Variants in TRIO observed in about 807,000 individuals in gnomAD.
The protein encoded by TRIO is trio Rho guanine nucleotide exchange factor.
A neutral mutation model predicts 351.9 loss-of-function variants in TRIO; 58 were observed. The observed-to-expected ratio is 0.16, with a 90% CI of 0.13 to 0.21. The LOEUF (loss-of-function observed/expected upper bound fraction) is 0.21. TRIO is among the 10% of genes least tolerant of loss of function. The pLI is 1.00. For synonymous variants in TRIO, 1,758 were observed against 1,595.7 expected (o/e 1.10, Z -2.42); for missense variants, 3,201 against 4,027.8 (o/e 0.79, Z 5.56).
intron 1 of TRIO, among the ~76,000 whole-genome samples, chr5:14,153,171 G>A (rs1787932646): frequency 6.6e-6 from 1 of 152,176 alleles, no homozygotes; most frequent in Non-Finnish European, 1.5e-5. Context: ...CTGCAGAGTG[G>A]ACGATGGAGG....
At chr5:14,288,621 T>A (rs1472150324) in intron 4 of TRIO, among the ~76,000 whole-genome samples, 1 of 151,690 alleles carries the variant, frequency 6.6e-6, no homozygotes, top group African/African-American at 2.4e-5. Flanking sequence ...GAGCCGAGAT[T>A]GTGCCGCTGC....
chr5:14,236,895 A>C (rs1295293344), intron 1 of TRIO, among the ~76,000 whole-genome samples: 1 of 152,148 alleles, frequency 6.6e-6, no homozygotes, highest in Non-Finnish European at 1.5e-5. Context: ...TTTCTGTCTC[A>C]GTGGCTTTGC....
intron 33 of TRIO, among the ~76,000 whole-genome samples, chr5:14,418,619 G>A (rs1749846177): frequency 6.6e-6 from 1 of 152,300 alleles, no homozygotes; most frequent in South Asian, 2.1e-4. Context: ...GCATTGCGGG[G>A]ACAGGGAAGC....
intron 1 of TRIO, among the ~76,000 whole-genome samples, chr5:14,223,896 A>G (rs765766570): frequency 3.7e-4 from 56 of 152,156 alleles, no homozygotes; most frequent in Non-Finnish European, 6.5e-4. Context: ...TCAGTGTTTG[A>G]TATCCCCAAA....
chr5:14,394,904 G>T (rs973096539), intron 28 of TRIO, among the ~76,000 whole-genome samples: 16 of 152,252 alleles, frequency 1.1e-4, no homozygotes, highest in African/African-American at 3.9e-4. Flanking sequence ...AAAATTGACA[G>T]ATTTTGTCTG....
intron 1 of TRIO, among the ~76,000 whole-genome samples, chr5:14,215,747 C>A (rs553605890): frequency 5.7e-4 from 87 of 152,244 alleles, no homozygotes; most frequent in African/African-American, 2.0e-3. Flanking sequence ...TCTCCAATGG[C>A]GTGGGTTAAG....
At chr5:14,340,397 G>A (rs1366397203) in intron 11 of TRIO, among the ~76,000 whole-genome samples, 27 of 131,496 alleles carry the variant, frequency 2.1e-4, no homozygotes, top group South Asian at 2.5e-4. Flanking sequence ...ACTCCGTCTG[G>A]AAAAAAAAAA....
intron 1 of TRIO, among the ~76,000 whole-genome samples, chr5:14,151,666 A>T (rs561601242): frequency 6.6e-6 from 1 of 152,332 alleles, no homozygotes; most frequent in Admixed American, 6.5e-5. Flanking sequence ...TGGCCAAAAC[A>T]GTGTGTGTAT....
chr5:14,444,567 A>C lies in TRIO; in HGVS notation c.5204-16452A>C, dbSNP rs1462419171. On this transcript the variant is annotated intron_variant, in intron 34 of 56. Coordinates refer to ENST00000344204, the MANE Select transcript of TRIO (RefSeq NM_007118.4). Reference sequence around the variant, plus strand: ...GTTCTTGATAATCTCGCTGAGCTGCAGTTTCCTCATGTGTTTAAAACAAAC... The same window carrying C: ...GTTCTTGATAATCTCGCTGAGCTGCCGTTTCCTCATGTGTTTAAAACAAAC... Among the ~76,000 whole-genome samples, 5 of 152,200 alleles carry C rather than the reference A, an allele frequency of 3.3e-5. No homozygotes were observed. In the East Asian group the frequency reaches 9.6e-4, roughly 29 times the overall value.
chr5:14,190,619 G>A (rs1659046222), intron 1 of TRIO, among the ~76,000 whole-genome samples: 1 of 152,118 alleles, frequency 6.6e-6, no homozygotes, highest in Non-Finnish European at 1.5e-5. Flanking sequence ...TGAAATGTCT[G>A]TATAAAGAAT....
At chr5:14,301,427 A>G (rs1449988175) in intron 7 of TRIO, among the ~76,000 whole-genome samples, 1 of 152,064 alleles carries the variant, frequency 6.6e-6, no homozygotes, top group South Asian at 2.1e-4. Context: ...TCTAGGGAGC[A>G]CTTAAAGCAT....
At chr5:14,379,904 G>A (rs184713155) in intron 20 of TRIO, among the ~76,000 whole-genome samples, 1 of 152,274 alleles carries the variant, frequency 6.6e-6, no homozygotes, top group African/African-American at 2.4e-5. Context: ...TTCGCAGACC[G>A]GCCTCCAGGG....
intron 31 of TRIO, 113 bp downstream of exon 31, chr5:14,401,177 G>A: frequency 1.1e-6 from 1 of 892,726 alleles, no homozygotes. Context: ...GTTTGTGTGT[G>A]TGTGTTCTAT....
chr5:14,179,212 G>T (rs13184670), intron 1 of TRIO, among the ~76,000 whole-genome samples: 20,702 of 152,158 alleles, frequency 0.14, 1,559 homozygotes, highest in Middle Eastern at 0.25. Flanking sequence ...TGTGGGTCTG[G>T]TGTCTCAGAA....
intron 1 of TRIO, among the ~76,000 whole-genome samples, chr5:14,208,437 C>T (rs555611239): frequency 5.9e-5 from 9 of 152,314 alleles, no homozygotes; most frequent in African/African-American, 1.7e-4. Context: ...GATGCCATTT[C>T]TATGAAATTT....
chr5:14,159,956 G>C (rs1314810714), intron 1 of TRIO, among the ~76,000 whole-genome samples: 1 of 152,186 alleles, frequency 6.6e-6, no homozygotes, highest in South Asian at 2.1e-4. Context: ...AAACAGAAAC[G>C]GCATTAATTT....
At chr5:14,348,808 ATG>A (rs150291608) in intron 11 of TRIO, among the ~76,000 whole-genome samples, 1,156 of 88,468 alleles carry the variant, frequency 0.013, 2 homozygotes, top group Middle Eastern at 0.03. Flanking sequence ...GCACGTGAGC[ATG>A]TGTTTTTCCT....
At position 14,492,592 on chromosome 5, in the gene TRIO, TCTC is replaced by T. The variant is rs1561555993; in HGVS notation, c.7660_7662del (p.Ser2554del). On this transcript the variant is annotated inframe_deletion, in exon 49 of 57. Transcript: ENST00000344204. Reference sequence around the variant, plus strand: ...AGTGAAAGCAGCAGCAGTAGCAACATCTCCACCATGTTGGTGACACACGATTAC... The same window carrying T: ...AGTGAAAGCAGCAGCAGTAGCAACATCACCATGTTGGTGACACACGATTAC... The T allele has an allele frequency of 1.2e-6, 2 of 1,614,110 alleles. No individual in the cohort carries two copies. Among genetic ancestry groups the T allele is most frequent in the African/African-American group, 1.3e-5 (1 of 75,022 alleles).
chr5:14,169,277 C>T (rs1481734037), intron 1 of TRIO, among the ~76,000 whole-genome samples: 7 of 150,530 alleles, frequency 4.7e-5, no homozygotes, highest in African/African-American at 1.7e-4. Context: ...CTTCCTCATA[C>T]AGTTTTCTTC....
Sources: gnomAD v4.1 joint callset for allele counts (sites outside exome capture counted in the v4.1 genomes callset) on GRCh38, gnomAD v4.1.1 for gene constraint, MANE v1.5 for transcripts, NCBI Gene and HGNC (gene_info 2026-07-23, HGNC 2026-07-21) for gene names.